NPHP1: variants seen among roughly 807,000 people sequenced by gnomAD.
The protein encoded by NPHP1 is nephrocystin 1, also known as nephrocystin-1.
NPHP1 carries 70 observed loss-of-function variants against 90.4 expected under a neutral mutation model. The ratio of observed to expected loss-of-function variants is 0.77; its 90% confidence interval spans 0.64 to 0.95. The LOEUF (loss-of-function observed/expected upper bound fraction) is 0.95. Among genes scored for constraint, NPHP1 ranks in the 40% least tolerant of loss-of-function variants. The pLI, the probability that NPHP1 is intolerant of heterozygous loss-of-function variation, is 0.00. For missense variants in NPHP1, 764 were observed against 795.9 expected, an observed-to-expected ratio of 0.96 and a Z score of 0.48; for synonymous variants, 256 against 271.7, an observed-to-expected ratio of 0.94 and a Z score of 0.57.
In NPHP1 at chr2:110,178,525, G is replaced by A; in HGVS notation, c.227C>T (p.Ala76Val). The change falls in exon 4 of 20, where the codon GCA becomes GTA. Residue 76 changes from alanine (A) to valine (V), a missense_variant. Transcript: ENST00000445609. ...LSKADESAPVANYNQRKEEEH... is the reference protein window; with the variant it reads ...LSKADESAPVVNYNQRKEEEH... Reference sequence around the variant, plus strand: ...CTCTTCTTTTCTCTGATTATAGTTTGCAACAGGTGCAGATTCATCAGCCTA... The same window carrying A: ...CTCTTCTTTTCTCTGATTATAGTTTACAACAGGTGCAGATTCATCAGCCTA... 1 of 1,613,620 alleles carries A rather than the reference G, an allele frequency of 6.2e-7. No individual in the cohort carries two copies.
intron 11 of NPHP1, 116 bp downstream of exon 11, chr2:110,160,011 G>T: frequency 1.9e-6 from 2 of 1,067,580 alleles, no homozygotes; most frequent in Non-Finnish European, 2.8e-6. Context: ...ATTTTTCTTT[G>T]GTACTAGGTA....
Position 110,202,261 on chromosome 2 carries a change from A to G in NPHP1, c.70-767T>C, listed in dbSNP as rs145848701. 3 of 284,800 alleles carry G rather than the reference A, an allele frequency of 1.1e-5. No homozygotes were observed. The East Asian group carries it at 2.3e-4, about 22-fold the overall frequency. 17.6% of individuals were successfully genotyped at this position (284,800 alleles called of 1,614,324 possible). On this transcript the variant is annotated intron_variant, in intron 1 of 19. Coordinates refer to ENST00000445609, the MANE Select transcript of NPHP1 (RefSeq NM_001128178.3). Reference sequence around the variant, plus strand: ...CACATACTTCTTTGGTCTGTTTTCTATAGATTACGTAGAGAAGATAAAGTG... The same window carrying G: ...CACATACTTCTTTGGTCTGTTTTCTGTAGATTACGTAGAGAAGATAAAGTG...
intron 16 of NPHP1, among the ~76,000 whole-genome samples, chr2:110,133,660 AT>A (rs1679954937): frequency 6.6e-6 from 1 of 152,148 alleles, no homozygotes; most frequent in African/African-American, 2.4e-5. Context: ...AAATTTAAAA[AT>A]ATTGAAATCA....
intron 5 of NPHP1, 67 bp from the exon 6 acceptor site, chr2:110,168,620 A>G (rs1682889767): frequency 9.8e-7 from 1 of 1,021,760 alleles, no homozygotes; most frequent in Admixed American, 1.8e-5. Flanking sequence ...GTCAATACCA[A>G]TGATTCAAAA....
chr2:110,154,664 A>G (rs577726789), intron 11 of NPHP1, among the ~76,000 whole-genome samples: 7 of 152,192 alleles, frequency 4.6e-5, no homozygotes, highest in African/African-American at 1.7e-4. Flanking sequence ...TAGTGAAGAG[A>G]CTGGTGGCAT....
In NPHP1 at chr2:110,185,015, C is replaced by T. The variant is rs887042084; in HGVS notation, c.144-5331G>A. 25 of 610,928 alleles carry T rather than the reference C, an allele frequency of 4.1e-5. No homozygotes were observed. In the East Asian group the frequency reaches 9.8e-4, roughly 24 times the overall value. The allele number at this position is 610,928 out of a possible 1,614,324, so 37.8% of individuals were successfully genotyped here. A position where few individuals can be genotyped will look rare whatever the true frequency, so the allele number is the denominator to read the frequency against. On this transcript the variant is annotated intron_variant, in intron 2 of 19. Coordinates refer to ENST00000445609, the MANE Select transcript of NPHP1 (RefSeq NM_001128178.3). ...CTTGTTCAAAGGTTTTGGTGACAGG[C>T]TACTGAGTGAAGTGAAGATCAGGAT... is the stretch of plus-strand genomic sequence containing the variant.
chr2:110,152,473 T>G (rs1681549375), intron 11 of NPHP1, among the ~76,000 whole-genome samples: 1 of 151,352 alleles, frequency 6.6e-6, no homozygotes, highest in Admixed American at 6.6e-5. Flanking sequence ...AGACAAAAAC[T>G]AGAGGTTTCC....
chr2:110,173,758 A>T (rs1390697355), intron 4 of NPHP1, among the ~76,000 whole-genome samples: 1 of 152,132 alleles, frequency 6.6e-6, no homozygotes, highest in Non-Finnish European at 1.5e-5. Flanking sequence ...AAATCACTTA[A>T]TGACTCATTT....
chr2:110,187,400 T>G (rs964922398), intron 2 of NPHP1, among the ~76,000 whole-genome samples: 1 of 152,100 alleles, frequency 6.6e-6, no homozygotes, highest in African/African-American at 2.4e-5. Context: ...TCTATGCACA[T>G]GAACTAGAAA....
intron 2 of NPHP1, among the ~76,000 whole-genome samples, chr2:110,187,357 TACAA>T (rs1369835357): frequency 1.3e-5 from 2 of 151,932 alleles, no homozygotes; most frequent in African/African-American, 4.8e-5. Flanking sequence ...CCCACAGAAA[TACAA>T]ACAATCAGCA....
Position 110,169,779 on chromosome 2 carries a change from G to A in NPHP1, c.522+27C>T, listed in dbSNP as rs1180823568. On this transcript the variant is annotated intron_variant, in intron 5 of 19. Coordinates refer to ENST00000445609, the MANE Select transcript of NPHP1 (RefSeq NM_001128178.3). ...GTTAGGTATGGACATCGACCCTTAG[G>A]TTAGGTTTCAGTCTTATTCTACCTA... 6.6e-6 allele frequency: 10 copies of A among 1,517,032 alleles called. No individual in the cohort carries two copies. In the African/African-American group the frequency reaches 1.4e-4, roughly 21 times the overall value. The allele number at this position is 1,517,032 out of a possible 1,614,324, so 94.0% of individuals were successfully genotyped here.
intron 2 of NPHP1, among the ~76,000 whole-genome samples, chr2:110,197,450 C>G (rs1290690733): frequency 6.6e-6 from 1 of 152,092 alleles, no homozygotes; most frequent in Non-Finnish European, 1.5e-5. Flanking sequence ...TGCTGGCAGT[C>G]AGCTTCCCAC....
chr2:110,199,303 G>A (rs569410860), intron 2 of NPHP1, among the ~76,000 whole-genome samples: 4 of 151,802 alleles, frequency 2.6e-5, no homozygotes, highest in Non-Finnish European at 4.4e-5. Flanking sequence ...GTGTGATGGC[G>A]TGAGCCTGTA....
rs1221009449 is a variant in NPHP1, at chr2:110,201,332, T to C, written c.143+89A>G. 4.6e-6 allele frequency: 4 copies of C among 876,268 alleles called. No homozygotes were observed. The East Asian group carries it at 1.0e-4, about 23-fold the overall frequency. The allele number at this position is 876,268 out of a possible 1,614,324, so 54.3% of individuals were successfully genotyped here. A position where few individuals can be genotyped will look rare whatever the true frequency, so the allele number is the denominator to read the frequency against. On this transcript the variant is annotated intron_variant, in intron 2 of 19. Coordinates refer to ENST00000445609, the MANE Select transcript of NPHP1 (RefSeq NM_001128178.3). The stretch of plus-strand genomic sequence containing the variant: ...ACACTATGTGATTCTTCCATTTGAT[T>C]CCAAAGGACCAATCTCTATGCCTTA...
rs556073870 is a variant in NPHP1 at position 110,204,991 on chromosome 2, T to C, written c.-23A>G. 1.2e-6 allele frequency: 2 copies of C among 1,613,176 alleles called. No individual in the cohort carries two copies. The highest frequency in any genetic ancestry group is 2.7e-5 in the African/African-American group (2 of 75,038). On this transcript the variant is annotated 5_prime_UTR_variant, in exon 1 of 20. Transcript: ENST00000445609. ...CATCTCCCTGGCTGCGGTGCTCTGATTGCTCCAGTTGCCAGGGAAACCAAC... is the reference window on the plus strand; with the variant it reads ...CATCTCCCTGGCTGCGGTGCTCTGACTGCTCCAGTTGCCAGGGAAACCAAC...
At position 110,146,840 on chromosome 2, in the gene NPHP1, G is replaced by A; in HGVS notation, c.1270-5C>T. Reference sequence around the variant, plus strand: ...CTCTCCTCTTTCACCAGTTGACTAGGAAATAAGACAAGTATATGAAACTTA... The same window carrying A: ...CTCTCCTCTTTCACCAGTTGACTAGAAAATAAGACAAGTATATGAAACTTA... On this transcript the variant is annotated splice_region_variant and splice_polypyrimidine_tract_variant and intron_variant, in intron 13 of 19. Coordinates refer to ENST00000445609, the MANE Select transcript of NPHP1 (RefSeq NM_001128178.3). 6.2e-7 allele frequency: 1 copy of A among 1,608,010 alleles called. No homozygotes were observed. Among genetic ancestry groups the A allele is most frequent in the Non-Finnish European group, 8.5e-7 (1 of 1,174,492 alleles).
chr2:110,154,630 G>A (rs112464117), intron 11 of NPHP1, among the ~76,000 whole-genome samples: 1 of 152,148 alleles, frequency 6.6e-6, no homozygotes, highest in African/African-American at 2.4e-5. Flanking sequence ...GGGCACTGGA[G>A]AAAAGGTGAC....
intron 2 of NPHP1, among the ~76,000 whole-genome samples, chr2:110,185,963 C>G (rs1440812214): frequency 2.0e-5 from 3 of 152,160 alleles, no homozygotes; most frequent in African/African-American, 7.2e-5. Context: ...GCAATGCCAT[C>G]TTCAAACAGT....
At chr2:110,148,872 A>G (rs1681261593) in intron 12 of NPHP1, among the ~76,000 whole-genome samples, 1 of 152,162 alleles carries the variant, frequency 6.6e-6, no homozygotes, top group South Asian at 2.1e-4. Flanking sequence ...CTCTCCCTCG[A>G]CAACTGTATC....
Sources: allele counts gnomAD v4.1 joint callset (sites outside exome capture counted in the v4.1 genomes callset), GRCh38; gene constraint gnomAD v4.1.1; transcripts MANE v1.5; gene names NCBI Gene and HGNC (gene_info 2026-07-23, HGNC 2026-07-21).